The following DNAAF4 variants were observed in gnomAD, a reference collection of about 807,000 sequenced individuals.
DNAAF4 encodes the protein dynein assembly factor 4, axonemal.
Under a neutral mutation model 51.8 loss-of-function variants are expected in DNAAF4, and 43 were observed. The observed-to-expected ratio is 0.83, with a 90% CI of 0.65 to 1.07. The LOEUF is 1.07. DNAAF4 is among the 50% of genes least tolerant of loss of function. DNAAF4 has a pLI of 0.00. For missense variants in DNAAF4, 581 were observed against 493.0 expected (o/e 1.18, Z -1.69); for synonymous variants, 194 against 165.6 (o/e 1.17, Z -1.32).
intron 7 of DNAAF4, among the ~76,000 whole-genome samples, chr15:55,435,264 T>C (rs908822789): frequency 8.4e-5 from 11 of 131,370 alleles, no homozygotes; most frequent in African/African-American, 3.2e-4. Flanking sequence ...CCTCCAAGGG[T>C]AGACATTAGT....
chr15:55,452,118 G>A (rs1166290745), intron 5 of DNAAF4, among the ~76,000 whole-genome samples: 1 of 151,246 alleles, frequency 6.6e-6, no homozygotes, highest in East Asian at 1.9e-4. Context: ...GGTGGTGGCA[G>A]GCACCTGTAA....
At chr15:55,480,311 G>A (rs990443704) in intron 4 of DNAAF4, among the ~76,000 whole-genome samples, 2 of 151,998 alleles carry the variant, frequency 1.3e-5, no homozygotes, top group African/African-American at 2.4e-5. Context: ...AAGAACCTAC[G>A]TTGAAATACT....
intron 6 of DNAAF4, 58 bp downstream of exon 6, chr15:55,450,164 G>A (rs2057911511): frequency 2.0e-6 from 3 of 1,495,602 alleles, no homozygotes; most frequent in South Asian, 1.4e-5. Context: ...TTCAATAGAT[G>A]AAATAAAAAT....
At chr15:55,489,206 T>C (rs2058535272) in intron 4 of DNAAF4, among the ~76,000 whole-genome samples, 1 of 152,226 alleles carries the variant, frequency 6.6e-6, no homozygotes, top group Non-Finnish European at 1.5e-5. Flanking sequence ...TTAACTGTTT[T>C]ATTATTTCAG....
At chr15:55,451,706 T>A (rs1451358865) in intron 5 of DNAAF4, among the ~76,000 whole-genome samples, 2 of 151,720 alleles carry the variant, frequency 1.3e-5, no homozygotes, top group African/African-American at 4.8e-5. Flanking sequence ...TTTGAACCCC[T>A]TGGCTCAAAA....
intron 4 of DNAAF4, among the ~76,000 whole-genome samples, chr15:55,486,598 A>G (rs1328364659): frequency 2.6e-5 from 4 of 152,076 alleles, no homozygotes; most frequent in African/African-American, 9.7e-5. Flanking sequence ...GCTGGGCAAC[A>G]TAGTTAGACC....
intron 5 of DNAAF4, among the ~76,000 whole-genome samples, chr15:55,466,532 T>C (rs187356431): frequency 2.0e-5 from 3 of 152,376 alleles, no homozygotes; most frequent in Admixed American, 2.0e-4. Flanking sequence ...CTCATTTTCC[T>C]AAGTGATGTG....
chr15:55,474,325 G>A (rs2058307109), intron 4 of DNAAF4, among the ~76,000 whole-genome samples: 2 of 152,146 alleles, frequency 1.3e-5, no homozygotes, highest in South Asian at 4.1e-4. Context: ...CATGAGGTAA[G>A]GAGTTCAAGA....
intron 4 of DNAAF4, among the ~76,000 whole-genome samples, chr15:55,483,796 G>A (rs2058444704): frequency 7.5e-6 from 1 of 133,208 alleles, no homozygotes; most frequent in Non-Finnish European, 1.5e-5. Context: ...AAAGTGCTGG[G>A]ATTACAGGCA....
At chr15:55,443,194 T>C (rs1459369119) in intron 6 of DNAAF4, 40 of 1,609,790 alleles carry the variant, frequency 2.5e-5, no homozygotes, top group African/African-American at 8.0e-5. Context: ...TAGGTCCTTG[T>C]TCCAGCTGGG....
At chr15:55,501,462 G>A (rs530351705) in intron 1 of DNAAF4, among the ~76,000 whole-genome samples, 19 of 145,542 alleles carry the variant, frequency 1.3e-4, no homozygotes, top group Middle Eastern at 3.7e-3. Context: ...TGCAAGCTCC[G>A]CCTCCTGGGT....
intron 4 of DNAAF4, among the ~76,000 whole-genome samples, chr15:55,489,748 A>G (rs914440908): frequency 3.9e-5 from 6 of 151,916 alleles, no homozygotes; most frequent in Admixed American, 2.6e-4. Flanking sequence ...TAAACTGTTG[A>G]TAATAGAAAA....
chr15:55,438,615 CTACTAAAAA>C (rs1307261397), intron 7 of DNAAF4, among the ~76,000 whole-genome samples: 1 of 151,742 alleles, frequency 6.6e-6, no homozygotes, highest in East Asian at 1.9e-4. Context: ...AACCCCGTCT[CTACTAAAAA>C]TACAAAAAAA....
chr15:55,446,381 T>TG (rs2057815594), intron 6 of DNAAF4, among the ~76,000 whole-genome samples: 1 of 33,134 alleles, frequency 3.0e-5, no homozygotes, highest in Non-Finnish European at 5.6e-5. Flanking sequence ...TCCCAGATGA[T>TG]GGGCGGCCGG....
intron 7 of DNAAF4, among the ~76,000 whole-genome samples, chr15:55,421,901 T>TAA (rs1368834307): frequency 1.1e-4 from 1 of 8,848 alleles, no homozygotes; most frequent in African/African-American, 9.4e-4. Context: ...AAAAAATGTA[T>TAA]AATAATAATA....
intron 6 of DNAAF4, among the ~76,000 whole-genome samples, chr15:55,443,885 G>A (rs2057755304): frequency 6.6e-6 from 1 of 152,124 alleles, no homozygotes. Flanking sequence ...CCCATGTTTC[G>A]ATGGGGTTGT....
At chr15:55,466,655 T>C (rs1258755147) in intron 5 of DNAAF4, among the ~76,000 whole-genome samples, 3 of 151,696 alleles carry the variant, frequency 2.0e-5, no homozygotes, top group Admixed American at 1.3e-4. Context: ...TAAGCACTTA[T>C]TTAACAACAT....
chr15:55,490,911 C>A (rs367828329), intron 4 of DNAAF4: 4 of 434,548 alleles, frequency 9.2e-6, no homozygotes. Flanking sequence ...CCCAGATCAC[C>A]GCACTGCACT....
At position 55,430,713 on chromosome 15, in the gene DNAAF4, T is replaced by C. The variant is rs965768314; in HGVS notation, c.1220A>G (p.Glu407Gly). The change falls in exon 10 of 10, where the codon GAG becomes GGG. Residue 407 changes from glutamate (E) to glycine (G), a missense_variant. By Grantham distance (98) the Glu-to-Gly change is moderately conservative. Transcript: ENST00000321149. ...PSNKIVQIDA[E>G]KIRNVIQGTE... Reference sequence around the variant, plus strand: ...TCCTTGAATTACATTCCGAATCTTCTCAGCATCAATTTGTACAATTTTGTT... The same window carrying C: ...TCCTTGAATTACATTCCGAATCTTCCCAGCATCAATTTGTACAATTTTGTT... 54 of 1,613,360 alleles carry C rather than the reference T, an allele frequency of 3.3e-5. No homozygotes were observed. Among genetic ancestry groups the C allele is most frequent in the Non-Finnish European group, 4.5e-5 (53 of 1,179,654 alleles).
Sources: gnomAD v4.1 joint callset for allele counts (sites outside exome capture counted in the v4.1 genomes callset) on GRCh38, gnomAD v4.1.1 for gene constraint, MANE v1.5 for transcripts, NCBI Gene and HGNC (gene_info 2026-07-23, HGNC 2026-07-21) for gene names.